The following ZNF462 variants were observed in gnomAD, a reference collection of about 807,000 sequenced individuals.
ZNF462 encodes the protein zinc finger protein 462, also known as zinc finger PBX1-interacting protein.
A neutral mutation model predicts 201.9 loss-of-function variants in ZNF462; 10 were observed. That is an observed-to-expected ratio of 0.05 (90% CI 0.03 to 0.08). The LOEUF is 0.08. ZNF462 is among the 10% of genes least tolerant of loss of function. The pLI is 1.00. For synonymous variants in ZNF462, 1,227 were observed against 1,193.3 expected (o/e 1.03, Z -0.58); for missense variants, 2,523 against 3,168.3 (o/e 0.80, Z 4.89).
At chr9:106,875,958 A>G (rs1827813824) in intron 1 of ZNF462, among the ~76,000 whole-genome samples, 1 of 151,512 alleles carries the variant, frequency 6.6e-6, no homozygotes, top group Non-Finnish European at 1.5e-5. Context: ...ACATAGAGAA[A>G]GATAGATAGA....
intron 1 of ZNF462, among the ~76,000 whole-genome samples, chr9:106,909,775 A>T (rs1196529633): frequency 6.6e-6 from 1 of 152,166 alleles, no homozygotes; most frequent in Non-Finnish European, 1.5e-5. Context: ...CTTGATGTAT[A>T]TAGGATTCAA....
intron 10 of ZNF462, among the ~76,000 whole-genome samples, chr9:106,985,685 A>G (rs1022812068): frequency 1.3e-5 from 2 of 152,200 alleles, no homozygotes; most frequent in African/African-American, 4.8e-5. Context: ...CTGTATCCTC[A>G]TGAGTGGAAA....
Position 107,003,314 on chromosome 9 carries a change from G to A in ZNF462, c.7077G>A (p.Leu2359=), listed in dbSNP as rs565036783. The A allele has an allele frequency of 5.5e-5, 88 of 1,613,772 alleles. 1 individual carries two copies. In the South Asian group the frequency reaches 9.7e-4, roughly 18 times the overall value. The change falls in exon 11 of 13, where the codon CTG becomes CTA. Residue 2359 remains leucine (L), a synonymous_variant. Transcript: ENST00000277225. The surrounding 1 kb of genome is among the most constrained non-coding windows in gnomAD (Gnocchi z 4.4). ...TTCAGGTAAGCCGTAACTTTGAGCT[G>A]GTTGGACGGGTTAACTTGGATCAGC... ...DEHKVSRNFE[L]VGRVNLDQLE... is the part of the protein sequence containing the mutation.
At chr9:106,980,175 A>G (rs1351403539) in intron 9 of ZNF462, among the ~76,000 whole-genome samples, 13 of 152,164 alleles carry the variant, frequency 8.5e-5, no homozygotes, top group Admixed American at 8.5e-4. Context: ...GCTAACATCA[A>G]AACCTCATAC....
intron 7 of ZNF462, among the ~76,000 whole-genome samples, chr9:106,961,496 A>G (rs886308783): frequency 6.6e-6 from 1 of 152,018 alleles, no homozygotes. Flanking sequence ...TTTTCTTTTT[A>G]AATCTGGGTT....
Position 106,932,587 on chromosome 9 carries a change from G to A in ZNF462, c.6116+38G>A, listed in dbSNP as rs773542429. On this transcript the variant is annotated intron_variant, in intron 5 of 12. Transcript: ENST00000277225. This position sits in a 1 kb window ranked among gnomAD's most constrained non-coding sequence, Gnocchi z 6.8. ...GGGGGGTCACTAGTGGTTACTGGGAGATGATGTCATAGTGGAAGGCACTAA... is the reference window on the plus strand; with the variant it reads ...GGGGGGTCACTAGTGGTTACTGGGAAATGATGTCATAGTGGAAGGCACTAA... 14 of 1,613,878 alleles carry A rather than the reference G, an allele frequency of 8.7e-6. No individual in the cohort carries two copies. The Admixed American group carries it at 2.2e-4, about 25-fold the overall frequency.
At chr9:106,937,273 A>G (rs1274922154) in intron 6 of ZNF462, among the ~76,000 whole-genome samples, 2 of 152,156 alleles carry the variant, frequency 1.3e-5, no homozygotes, top group South Asian at 2.1e-4. Context: ...TGTCATATAT[A>G]TATTCATCCG....
chr9:106,911,961 T>C (rs1829566608), intron 1 of ZNF462, among the ~76,000 whole-genome samples: 2 of 152,314 alleles, frequency 1.3e-5, no homozygotes, highest in South Asian at 4.1e-4. Context: ...AGTATATAAT[T>C]TGAAGCGAAA....
chr9:106,865,238 G>A lies in ZNF462; in HGVS notation c.-31+1883G>A, dbSNP rs539131761. Among the ~76,000 whole-genome samples the A allele has an allele frequency of 6.6e-6, 1 of 152,082 alleles. No individual in the cohort carries two copies. The highest frequency in any genetic ancestry group is 2.4e-5 in the African/African-American group (1 of 41,416). ...TTCTCCTTTTGAGTGGACCTGAAGG[G>A]TTTTGACCTCCTTCAGGAAAGGCAA... On this transcript the variant is annotated intron_variant, in intron 1 of 12. Transcript: ENST00000277225. This position sits in a 1 kb window ranked among gnomAD's most constrained non-coding sequence, Gnocchi z 4.1.
At chr9:106,861,839 T>C (rs1827075262), upstream of ZNF462, among the ~76,000 whole-genome samples, 1 of 152,170 alleles carries the variant, frequency 6.6e-6, no homozygotes, top group Admixed American at 6.5e-5. Flanking sequence ...GAAAGCTTCA[T>C]CTTGGCTCGC....
Position 106,957,974 on chromosome 9 carries a change from A to T in ZNF462, c.6428-14031A>T, listed in dbSNP as rs191726556. Among the ~76,000 whole-genome samples the T allele has an allele frequency of 4.2e-3, 641 of 152,270 alleles. 5 individuals carry two copies. The highest frequency in any genetic ancestry group is 0.015 in the African/African-American group (613 of 41,556). On this transcript the variant is annotated intron_variant, in intron 7 of 12. Coordinates refer to ENST00000277225, the MANE Select transcript of ZNF462 (RefSeq NM_021224.6). ...CTTTCCTTCCCATAGGTAGAGCCAT[A>T]GTCCATTTGAGATGTGAATGTACTG... is the stretch of plus-strand genomic sequence containing the variant.
At chr9:106,957,287 G>A (rs991404346) in intron 7 of ZNF462, among the ~76,000 whole-genome samples, 3 of 152,040 alleles carry the variant, frequency 2.0e-5, no homozygotes, top group Non-Finnish European at 4.4e-5. Context: ...GCAGATGGGG[G>A]AAATGGCTGG....
intron 7 of ZNF462, among the ~76,000 whole-genome samples, chr9:106,955,472 G>A (rs538517794): frequency 6.6e-6 from 1 of 152,296 alleles, no homozygotes; most frequent in South Asian, 2.1e-4. Flanking sequence ...TGTTTGCCTT[G>A]ATGTTGGTGG....
intron 7 of ZNF462, among the ~76,000 whole-genome samples, chr9:106,965,685 A>C (rs1045313398): frequency 3.3e-5 from 5 of 152,062 alleles, no homozygotes; most frequent in African/African-American, 9.7e-5. Context: ...GTCAGTTCTC[A>C]ATGTGGTGAG....
Position 106,917,443 on chromosome 9 carries a change from G to A in ZNF462, c.-30-5911G>A, listed in dbSNP as rs1248596554. 6.6e-6 allele frequency among the ~76,000 whole-genome samples: 1 copy of A among 152,168 alleles called. No individual in the cohort carries two copies. Among genetic ancestry groups the A allele is most frequent in the Non-Finnish European group, 1.5e-5 (1 of 68,036 alleles). ...ATACAAGGTCCCACAGATGGACCAGGCCAACTGTATACAACAGAGGCCACA... is the reference window on the plus strand; with the variant it reads ...ATACAAGGTCCCACAGATGGACCAGACCAACTGTATACAACAGAGGCCACA... On this transcript the variant is annotated intron_variant, in intron 1 of 12. Transcript: ENST00000277225. The surrounding 1 kb of genome is among the most constrained non-coding windows in gnomAD (Gnocchi z 4.5).
rs1420003708 is a variant in ZNF462 at position 106,929,428 on chromosome 9, A to G, written c.5516A>G (p.Gln1839Arg). 1 of 1,614,118 alleles carries G rather than the reference A, an allele frequency of 6.2e-7. No individual in the cohort carries two copies. The highest frequency in any genetic ancestry group is 8.5e-7 in the Non-Finnish European group (1 of 1,180,040). ...AAAGCCGAGGTGGAGGGTGAAGCTC[A>G]GGAAATCGAGTGGCTCCCATTCCGC... Reference protein sequence around the residue: ...FEKAEVEGEAQEIEWLPFRCI... With the variant: ...FEKAEVEGEAREIEWLPFRCI... Residue 1839 changes from glutamine to arginine, a missense_variant, in exon 3 of 13, where the codon CAG becomes CGG. Around this residue, in one of 15 missense-constraint regions of ZNF462, gnomAD observed 207 missense variants for 231.6 expected, o/e 0.89. Coordinates refer to ENST00000277225, the MANE Select transcript of ZNF462 (RefSeq NM_021224.6). This position sits in a 1 kb window ranked among gnomAD's most constrained non-coding sequence, Gnocchi z 8.7.
rs1332146271 is a variant in ZNF462, at chr9:106,886,208, G to A, written c.-31+22853G>A. Among the ~76,000 whole-genome samples, 1 of 152,110 alleles carries A rather than the reference G, an allele frequency of 6.6e-6. No individual in the cohort carries two copies. Among genetic ancestry groups the A allele is most frequent in the Non-Finnish European group, 1.5e-5 (1 of 68,022 alleles). On this transcript the variant is annotated intron_variant, in intron 1 of 12. Transcript: ENST00000277225. The surrounding 1 kb of genome is among the most constrained non-coding windows in gnomAD (Gnocchi z 4.6). ...TAGTAAAAAAGAAAAGTAGGGGTGG[G>A]GTGGTTAAGAAGGTGGCTGGGATTG...
At chr9:106,990,876 A>G (rs992908361) in intron 10 of ZNF462, among the ~76,000 whole-genome samples, 2 of 152,012 alleles carry the variant, frequency 1.3e-5, no homozygotes, top group Non-Finnish European at 2.9e-5. Flanking sequence ...TAAAGATGGC[A>G]GTGCTATTGA....
chr9:106,878,127 G>A (rs1278931977), intron 1 of ZNF462, among the ~76,000 whole-genome samples: 3 of 152,188 alleles, frequency 2.0e-5, no homozygotes, highest in Non-Finnish European at 4.4e-5. Flanking sequence ...GGTATGACCT[G>A]AATTCACTCC....
Sources: allele counts gnomAD v4.1 joint callset (sites outside exome capture counted in the v4.1 genomes callset), GRCh38; gene constraint gnomAD v4.1.1; regional missense constraint gnomAD v4.1.1; non-coding constraint Gnocchi (gnomAD v3.1); transcripts MANE v1.5; gene names NCBI Gene and HGNC (gene_info 2026-07-23, HGNC 2026-07-21).